Variants in NALCN observed in about 807,000 individuals in gnomAD.
NALCN encodes the protein sodium leak channel NALCN.
Under a neutral mutation model 225.3 loss-of-function variants are expected in NALCN, and 111 were observed. The ratio of observed to expected loss-of-function variants is 0.49; its 90% confidence interval spans 0.42 to 0.58. The LOEUF is 0.58. NALCN is among the 20% of genes least tolerant of loss of function. The probability of loss-of-function intolerance (pLI) is 0.00; values close to 1 mark genes in which losing one functional copy is unlikely to be tolerated. For synonymous variants in NALCN, 764 were observed against 769.0 expected (o/e 0.99, Z 0.11); for missense variants, 1,378 against 2,202.4 (o/e 0.63, Z 7.49).
chr13:101,406,569 T>C (rs914809835), intron 1 of NALCN, among the ~76,000 whole-genome samples: 1 of 152,206 alleles, frequency 6.6e-6, no homozygotes, highest in East Asian at 1.9e-4. Flanking sequence ...GTGCAAATAG[T>C]ACAGACATTT....
At position 101,371,908 on chromosome 13, in the gene NALCN, T is replaced by C. The variant is rs867350466; in HGVS notation, c.644+4792A>G. Among the ~76,000 whole-genome samples the C allele has an allele frequency of 3.9e-5, 6 of 152,204 alleles. 1 individual carries two copies. In the South Asian group the frequency reaches 1.2e-3, roughly 31 times the overall value. ...CTAAGAATTTGTCATGTGCTCCCTT[T>C]TACTGTCAATCCAGGAATGGTCTAA... On this transcript the variant is annotated intron_variant, in intron 6 of 43. Coordinates refer to ENST00000251127, the MANE Select transcript of NALCN (RefSeq NM_052867.4).
intron 20 of NALCN, 123 bp downstream of exon 20, chr13:101,110,496 T>C: frequency 1.0e-6 from 1 of 998,322 alleles, no homozygotes; most frequent in Non-Finnish European, 1.5e-6. Context: ...TGATTCCCTC[T>C]GGTATGAAGT....
rs369610345 is a variant in NALCN, at chr13:101,325,113, T to C, written c.799+20153A>G. ...CTCAGTGGCTTAAATCCGTACAGGG[T>C]TGGTCAGTTTGGAATACTATCAAAA... is the stretch of plus-strand genomic sequence containing the variant. On this transcript the variant is annotated intron_variant, in intron 7 of 43. Transcript: ENST00000251127. Among the ~76,000 whole-genome samples the C allele has an allele frequency of 3.9e-5, 6 of 152,200 alleles. 1 individual carries two copies. The highest frequency in any genetic ancestry group is 1.9e-4 in the East Asian group (1 of 5,168).
chr13:101,068,944 G>T, intron 37 of NALCN, 117 bp from the exon 38 acceptor site: 1 of 1,178,666 alleles, frequency 8.5e-7, no homozygotes, highest in Non-Finnish European at 1.1e-6. Flanking sequence ...TAACTTCAAA[G>T]TAAGCTTTCA....
At chr13:101,374,272 C>CTTTTTT (rs869167949) in intron 6 of NALCN, among the ~76,000 whole-genome samples, 34 of 119,926 alleles carry the variant, frequency 2.8e-4, no homozygotes, top group African/African-American at 6.7e-4. Context: ...AAATTTCTTT[C>CTTTTTT]TTTTTTTTTT....
At chr13:101,069,366 A>T (rs77493774) in intron 37 of NALCN, among the ~76,000 whole-genome samples, 2,674 of 152,344 alleles carry the variant, frequency 0.018, 49 homozygotes, top group East Asian at 0.089. Flanking sequence ...TGGCTTATTA[A>T]GTGCACAATG....
intron 3 of NALCN, among the ~76,000 whole-genome samples, chr13:101,379,718 G>A (rs948795745): frequency 6.6e-6 from 1 of 152,142 alleles, no homozygotes; most frequent in African/African-American, 2.4e-5. Flanking sequence ...CTGTCAAGAG[G>A]TGGGGGGCTA....
intron 20 of NALCN, among the ~76,000 whole-genome samples, chr13:101,109,251 C>T (rs1432792644): frequency 2.0e-5 from 3 of 152,110 alleles, no homozygotes; most frequent in Non-Finnish European, 4.4e-5. Flanking sequence ...GATGGCAATT[C>T]TATGTCAACA....
chr13:101,170,131 C>T (rs111768808), intron 15 of NALCN, among the ~76,000 whole-genome samples: 6 of 152,190 alleles, frequency 3.9e-5, no homozygotes, highest in African/African-American at 1.4e-4. Flanking sequence ...AGAAACAGGA[C>T]CAATAAAATA....
chr13:101,295,462 A>C lies in NALCN; in HGVS notation c.800-3096T>G, dbSNP rs1461109525. 4.6e-5 allele frequency among the ~76,000 whole-genome samples: 7 copies of C among 152,154 alleles called. No individual in the cohort carries two copies. In the South Asian group the frequency reaches 1.0e-3, roughly 23 times the overall value. The stretch of plus-strand genomic sequence containing the variant: ...AGATTAAATTTGAGAGGAACATTGA[A>C]AATTATCCTCCCTCTCCCTGTCCAG... On this transcript the variant is annotated intron_variant, in intron 7 of 43. Coordinates refer to ENST00000251127, the MANE Select transcript of NALCN (RefSeq NM_052867.4).
In NALCN at chr13:101,107,512, C is replaced by T. The variant is rs763360490; in HGVS notation, c.2554G>A (p.Val852Met). Residue 852 changes from valine (V) to methionine (M), a missense_variant, in exon 22 of 44, where the codon GTG becomes ATG. Val to Met is a conservative substitution (Grantham distance 21, BLOSUM62 1). Coordinates refer to ENST00000251127, the MANE Select transcript of NALCN (RefSeq NM_052867.4). ...REHRFRNFCRVVVRARFNASK... is the reference protein window; with the variant it reads ...REHRFRNFCRMVVRARFNASK... ...GCGTTGAAGCGTGCTCGGACCACCA[C>T]CCGGCAAAAGTTTCTGAACCTGTGT... is the stretch of plus-strand genomic sequence containing the variant. 3 of 1,614,128 alleles carry T rather than the reference C, an allele frequency of 1.9e-6. No individual in the cohort carries two copies. Among genetic ancestry groups the T allele is most frequent in the East Asian group, 2.2e-5 (1 of 44,878 alleles).
intron 13 of NALCN, among the ~76,000 whole-genome samples, chr13:101,212,913 C>A (rs1355364251): frequency 1.3e-5 from 2 of 152,128 alleles, no homozygotes; most frequent in Non-Finnish European, 2.9e-5. Flanking sequence ...ATCAAGCTAC[C>A]AATGACTTTC....
At chr13:101,127,377 G>A (rs149837461) in intron 17 of NALCN, among the ~76,000 whole-genome samples, 1 of 152,170 alleles carries the variant, frequency 6.6e-6, no homozygotes, top group Admixed American at 6.5e-5. Context: ...TTTGTTTTTT[G>A]AGAAAGAGTC....
intron 13 of NALCN, among the ~76,000 whole-genome samples, chr13:101,200,638 A>C (rs1040591063): frequency 6.6e-6 from 1 of 152,036 alleles, no homozygotes; most frequent in East Asian, 1.9e-4. Flanking sequence ...GGCTTCCCAC[A>C]GGGCCACTGA....
upstream of NALCN, among the ~76,000 whole-genome samples, chr13:101,417,003 T>C (rs9582480): frequency 0.13 from 19,229 of 152,130 alleles, 3,027 homozygotes; most frequent in African/African-American, 0.37. Context: ...GTCACACTTA[T>C]AGTTTTCTAA....
chr13:101,289,521 T>C (rs1343753871), intron 9 of NALCN, among the ~76,000 whole-genome samples: 1 of 92,078 alleles, frequency 1.1e-5, no homozygotes, highest in Non-Finnish European at 2.1e-5. Context: ...GTTCTGAAAA[T>C]GTGCATATAT....
intron 1 of NALCN, among the ~76,000 whole-genome samples, chr13:101,402,548 C>T (rs1262880907): frequency 6.6e-6 from 1 of 152,184 alleles, no homozygotes; most frequent in African/African-American, 2.4e-5. Context: ...TCATTTCTTT[C>T]CCTTGCAGCT....
At chr13:101,352,266 T>C (rs1017993715) in intron 6 of NALCN, among the ~76,000 whole-genome samples, 3 of 152,114 alleles carry the variant, frequency 2.0e-5, no homozygotes, top group Admixed American at 6.5e-5. Flanking sequence ...TTAACTGAAG[T>C]TCAAAGCGGA....
chr13:101,124,875 C>T (rs112001585), intron 17 of NALCN, among the ~76,000 whole-genome samples, 194 bp from the exon 18 acceptor site: 122 of 152,296 alleles, frequency 8.0e-4, no homozygotes, highest in Admixed American at 1.6e-3. Context: ...TGGGGCCCCA[C>T]GTCCCAGCCA....
Sources: gnomAD v4.1 joint callset for allele counts (sites outside exome capture counted in the v4.1 genomes callset) on GRCh38, gnomAD v4.1.1 for gene constraint, MANE v1.5 for transcripts, NCBI Gene and HGNC (gene_info 2026-07-23, HGNC 2026-07-21) for gene names.